Variants in PLCB1 observed in about 807,000 individuals in gnomAD.
PLCB1 encodes phospholipase C beta 1.
In PLCB1, 46 loss-of-function variants were observed where a neutral mutation model predicts 161.8. The observed-to-expected ratio is 0.28, with a 90% CI of 0.22 to 0.36. PLCB1 has a LOEUF of 0.36. Ranked by LOEUF, PLCB1 falls within the 10% of genes least tolerant of loss-of-function variation. The pLI, the probability that PLCB1 is intolerant of heterozygous loss-of-function variation, is 1.00. For synonymous variants in PLCB1, 517 were observed against 503.7 expected (o/e 1.03, Z -0.35); for missense variants, 1,016 against 1,472.5 (o/e 0.69, Z 5.07).
chr20:8,281,905 A>G (rs2123285457), intron 2 of PLCB1, among the ~76,000 whole-genome samples: 1 of 152,250 alleles, frequency 6.6e-6, no homozygotes, highest in South Asian at 2.1e-4. Context: ...GTGCACTTCT[A>G]ATATACTTGG....
chr20:8,477,310 A>T (rs1228514656), intron 3 of PLCB1, among the ~76,000 whole-genome samples: 1 of 152,214 alleles, frequency 6.6e-6, no homozygotes, highest in African/African-American at 2.4e-5. Flanking sequence ...GTAAGGTATT[A>T]AAAGTCTCCT....
chr20:8,484,213 C>T (rs1293764399), intron 3 of PLCB1, among the ~76,000 whole-genome samples: 1 of 151,884 alleles, frequency 6.6e-6, no homozygotes, highest in Admixed American at 6.6e-5. Context: ...TTAGTAGAGA[C>T]AGGGTTTCTC....
chr20:8,354,338 T>C (rs1280412014), intron 2 of PLCB1, among the ~76,000 whole-genome samples: 1 of 151,734 alleles, frequency 6.6e-6, no homozygotes, highest in Admixed American at 6.6e-5. Context: ...AAAAACAAAA[T>C]CTAAAAGTGG....
intron 3 of PLCB1, among the ~76,000 whole-genome samples, chr20:8,444,382 C>T (rs1980715537): frequency 6.6e-6 from 1 of 152,186 alleles, no homozygotes; most frequent in South Asian, 2.1e-4. Context: ...ATGAACTCAT[C>T]CTTTTTTATG....
intron 31 of PLCB1, among the ~76,000 whole-genome samples, chr20:8,819,473 T>C (rs1985233203): frequency 6.6e-6 from 1 of 152,162 alleles, no homozygotes; most frequent in South Asian, 2.1e-4. Context: ...TTTACCAATA[T>C]AGAAAAAGAA....
chr20:8,179,448 G>T (rs2051815786), intron 2 of PLCB1, among the ~76,000 whole-genome samples: 1 of 152,094 alleles, frequency 6.6e-6, no homozygotes, highest in Admixed American at 6.5e-5. Context: ...GATATTGTTG[G>T]TGTATAGAAA....
chr20:8,720,593 A>G (rs530394660), intron 14 of PLCB1, among the ~76,000 whole-genome samples: 1 of 151,792 alleles, frequency 6.6e-6, no homozygotes, highest in African/African-American at 2.4e-5. Flanking sequence ...GTCCTAAGGA[A>G]CTAGGGTAAC....
chr20:8,329,952 T>A (rs1297186175), intron 2 of PLCB1, among the ~76,000 whole-genome samples: 1 of 152,156 alleles, frequency 6.6e-6, no homozygotes, highest in African/African-American at 2.4e-5. Context: ...GTGTTTCAGT[T>A]TTCCCTCTTG....
Position 8,845,596 on chromosome 20 carries a change from G to C in PLCB1, c.3424-36026G>C, listed in dbSNP as rs140560435. 1.4e-3 allele frequency among the ~76,000 whole-genome samples: 215 copies of C among 152,272 alleles called. 1 individual carries two copies. The highest frequency in any genetic ancestry group is 5.1e-3 in the African/African-American group (210 of 41,534). On this transcript the variant is annotated intron_variant, in intron 31 of 31. Coordinates refer to ENST00000338037, the MANE Select transcript of PLCB1 (RefSeq NM_015192.4). The stretch of plus-strand genomic sequence containing the variant: ...TTCCATCATTACAGAAAGTTCTATT[G>C]GGTCGGGCTGCCTTAAGGCTACTTC...
chr20:8,817,137 C>T (rs910306301), intron 31 of PLCB1, among the ~76,000 whole-genome samples: 1 of 152,114 alleles, frequency 6.6e-6, no homozygotes, highest in Non-Finnish European at 1.5e-5. Context: ...TCTAAGATAA[C>T]AAAATATCAA....
intron 3 of PLCB1, among the ~76,000 whole-genome samples, chr20:8,577,038 A>T (rs1986691622): frequency 6.6e-6 from 1 of 152,192 alleles, no homozygotes; most frequent in Non-Finnish European, 1.5e-5. Context: ...AGAAGAGCAG[A>T]GGGAGAAAGA....
chr20:8,675,450 A>G (rs977343201), intron 9 of PLCB1, among the ~76,000 whole-genome samples: 1 of 152,166 alleles, frequency 6.6e-6, no homozygotes, highest in African/African-American at 2.4e-5. Context: ...TCTCATTAGA[A>G]AAAATATAAA....
chr20:8,740,593 G>A, intron 22 of PLCB1, 145 bp downstream of exon 22: 1 of 501,050 alleles, frequency 2.0e-6, no homozygotes, highest in Non-Finnish European at 3.5e-6. Flanking sequence ...TCGTATGTAT[G>A]TTTAGAGGTA....
At chr20:8,324,578 G>A (rs1308674409) in intron 2 of PLCB1, among the ~76,000 whole-genome samples, 2 of 152,104 alleles carry the variant, frequency 1.3e-5, no homozygotes, top group Non-Finnish European at 2.9e-5. Context: ...CTGATACGGG[G>A]ACTCCAAGGG....
chr20:8,239,737 G>C (rs1424980834), intron 2 of PLCB1, among the ~76,000 whole-genome samples: 2 of 151,886 alleles, frequency 1.3e-5, no homozygotes, highest in Admixed American at 1.3e-4. Context: ...TAAACACAAA[G>C]AATAGCATTT....
chr20:8,277,461 A>G (rs1982639067), intron 2 of PLCB1, among the ~76,000 whole-genome samples: 1 of 152,108 alleles, frequency 6.6e-6, no homozygotes, highest in Non-Finnish European at 1.5e-5. Flanking sequence ...CTACTCTAAG[A>G]TATTTCTATA....
intron 3 of PLCB1, among the ~76,000 whole-genome samples, chr20:8,538,034 T>G (rs1985123952): frequency 6.6e-6 from 1 of 152,134 alleles, no homozygotes; most frequent in Non-Finnish European, 1.5e-5. Context: ...CAATCAGAAA[T>G]GTTGACTAGA....
intron 2 of PLCB1, among the ~76,000 whole-genome samples, chr20:8,293,419 C>A (rs1208885084): frequency 6.6e-6 from 1 of 152,018 alleles, no homozygotes; most frequent in Non-Finnish European, 1.5e-5. Flanking sequence ...GTATAGTTCT[C>A]ATTTTGTCAT....
chr20:8,137,809 G>A (rs1036666326), intron 1 of PLCB1, among the ~76,000 whole-genome samples: 1 of 152,062 alleles, frequency 6.6e-6, no homozygotes, highest in South Asian at 2.1e-4. Context: ...TTATAGTTTG[G>A]TTTTGCTTGT....
Sources: gnomAD v4.1 joint callset for allele counts (sites outside exome capture counted in the v4.1 genomes callset) on GRCh38, gnomAD v4.1.1 for gene constraint, MANE v1.5 for transcripts, NCBI Gene and HGNC (gene_info 2026-07-23, HGNC 2026-07-21) for gene names.